The following FCGR2A variants were observed in gnomAD, a reference collection of about 807,000 sequenced individuals.
The protein encoded by FCGR2A is low affinity immunoglobulin gamma Fc region receptor II-a.
In FCGR2A, 18 loss-of-function variants were observed where a neutral mutation model predicts 29.3. That is an observed-to-expected ratio of 0.62 (90% CI 0.43 to 0.91). FCGR2A has a LOEUF of 0.91. Ranked by LOEUF, FCGR2A falls within the 40% of genes least tolerant of loss-of-function variation. The probability of loss-of-function intolerance (pLI) is 0.00; values close to 1 mark genes in which losing one functional copy is unlikely to be tolerated. For missense variants in FCGR2A, 287 were observed against 393.0 expected (o/e 0.73, Z 2.28); for synonymous variants, 126 against 144.8 (o/e 0.87, Z 0.93).
intron 6 of FCGR2A, among the ~76,000 whole-genome samples, chr1:161,517,251 T>C (rs891953078): frequency 3.3e-5 from 5 of 152,094 alleles, no homozygotes; most frequent in African/African-American, 1.2e-4. Flanking sequence ...CTTGATATCT[T>C]AACAGCTTAA....
At chr1:161,508,629 A>G (rs1017412814) in intron 3 of FCGR2A, among the ~76,000 whole-genome samples, 22 of 151,730 alleles carry the variant, frequency 1.4e-4, no homozygotes, top group African/African-American at 5.3e-4. Flanking sequence ...TTTTAAATGA[A>G]TTTTTATTTA....
At chr1:161,521,931 C>G (rs1676468103), downstream of FCGR2A, among the ~76,000 whole-genome samples, 1 of 152,040 alleles carries the variant, frequency 6.6e-6, no homozygotes, top group Admixed American at 6.6e-5. Context: ...GAGTCGTGAG[C>G]TTTGCACCAC....
rs1676359299 is a variant in FCGR2A, at chr1:161,519,502, T to G, written c.*1354T>G. On this transcript the variant is annotated 3_prime_UTR_variant, in exon 7 of 7. Coordinates refer to ENST00000271450, the MANE Select transcript of FCGR2A (RefSeq NM_001136219.3). ...GATTGTTTCAAGGTGATGCAATTATTGATGACCTATTTTATTTTTCTATAA... is the reference window on the plus strand; with the variant it reads ...GATTGTTTCAAGGTGATGCAATTATGGATGACCTATTTTATTTTTCTATAA... 1 of 152,260 alleles carries G rather than the reference T, an allele frequency of 6.6e-6. No homozygotes were observed. The highest frequency in any genetic ancestry group is 1.5e-5 in the Non-Finnish European group (1 of 68,032). 9.4% of individuals were successfully genotyped at this position (152,260 alleles called of 1,614,324 possible). A position where few individuals can be genotyped will look rare whatever the true frequency, so the allele number is the denominator to read the frequency against.
At chr1:161,513,784 G>A (rs1399371047) in intron 5 of FCGR2A, 111 bp from the exon 6 acceptor site, 5 of 1,491,030 alleles carry the variant, frequency 3.4e-6, no homozygotes, top group Non-Finnish European at 4.7e-6. Context: ...GTGTCAAGGG[G>A]TCAGCAGTCC....
intron 6 of FCGR2A, among the ~76,000 whole-genome samples, chr1:161,516,558 T>G (rs1270532031): frequency 6.6e-6 from 1 of 152,042 alleles, no homozygotes; most frequent in African/African-American, 2.4e-5. Flanking sequence ...CTAAAATATA[T>G]TTTAAAATTA....
downstream of FCGR2A, among the ~76,000 whole-genome samples, chr1:161,520,414 A>C (rs1326367518): frequency 6.6e-6 from 1 of 151,950 alleles, no homozygotes; most frequent in Non-Finnish European, 1.5e-5. Flanking sequence ...TTATGAGAAC[A>C]GCATGGGGAA....
Position 161,510,009 on chromosome 1 carries a change from A to G in FCGR2A, c.554A>G (p.Tyr185Cys). ...GCAAACCACAGTCACAGTGGTGATT[A>G]CCACTGCACAGGAAACATAGGCTAC... is the stretch of plus-strand genomic sequence containing the variant. ...PQANHSHSGD[Y>C]HCTGNIGYTL... Residue 185 changes from tyrosine to cysteine, a missense_variant, in exon 4 of 7, where the codon TAC becomes TGC. Around this residue, in one of 3 missense-constraint regions of FCGR2A, gnomAD observed 181 missense variants for 250.9 expected, o/e 0.72. Coordinates refer to ENST00000271450, the MANE Select transcript of FCGR2A (RefSeq NM_001136219.3). The G allele has an allele frequency of 6.2e-7, 1 of 1,613,986 alleles. No individual in the cohort carries two copies. Among genetic ancestry groups the G allele is most frequent in the South Asian group, 1.1e-5 (1 of 91,082 alleles).
rs1162193322 is a variant in FCGR2A at position 161,509,954 on chromosome 1, C to T, written c.499C>T (p.His167Tyr). 1.2e-6 allele frequency: 2 copies of T among 1,613,912 alleles called. No homozygotes were observed. Among genetic ancestry groups the T allele is most frequent in the Non-Finnish European group, 1.7e-6 (2 of 1,179,914 alleles). Residue 167 changes from histidine to tyrosine, a missense_variant, in exon 4 of 7, where the codon CAT becomes TAT. Around this residue, in one of 3 missense-constraint regions of FCGR2A, gnomAD observed 181 missense variants for 250.9 expected, o/e 0.72. Coordinates refer to ENST00000271450, the MANE Select transcript of FCGR2A (RefSeq NM_001136219.3). Reference protein sequence around the residue: ...FQNGKSQKFSHLDPTFSIPQA... With the variant: ...FQNGKSQKFSYLDPTFSIPQA... ...GAATGGAAAATCCCAGAAATTCTCC[C>T]ATTTGGATCCCACCTTCTCCATCCC...
At chr1:161,523,979 A>G (rs1371537851), downstream of FCGR2A, 1 of 154,404 alleles carries the variant, frequency 6.5e-6, no homozygotes, top group Non-Finnish European at 1.4e-5. Context: ...GCCATTCACT[A>G]AGGAACCAGG....
chr1:161,510,486 G>T (rs1294496889), intron 4 of FCGR2A: 4 of 450,226 alleles, frequency 8.9e-6, no homozygotes, highest in Non-Finnish European at 1.6e-5. Flanking sequence ...GTGCTCCATA[G>T]AGTAATGATG....
At chr1:161,515,561 A>C (rs1676098655) in intron 6 of FCGR2A, among the ~76,000 whole-genome samples, 2 of 152,078 alleles carry the variant, frequency 1.3e-5, no homozygotes, top group Non-Finnish European at 2.9e-5. Context: ...GAAGCTTCGT[A>C]CCCTTTCTCT....
At position 161,511,036 on chromosome 1, in the gene FCGR2A, G is replaced by A. The variant is rs189803375; in HGVS notation, c.742+80G>A. The stretch of plus-strand genomic sequence containing the variant: ...TAACCCCAGACATTGCCAGAATCCC[G>A]CTCTTAGGGCTAGATATGCATTCCG... On this transcript the variant is annotated intron_variant, in intron 5 of 6. Coordinates refer to ENST00000271450, the MANE Select transcript of FCGR2A (RefSeq NM_001136219.3). 76 of 1,600,056 alleles carry A rather than the reference G, an allele frequency of 4.7e-5. No homozygotes were observed. The African/African-American group carries it at 6.3e-4, about 13-fold the overall frequency.
intron 6 of FCGR2A, among the ~76,000 whole-genome samples, chr1:161,516,411 T>C (rs989068281): frequency 6.6e-6 from 1 of 152,094 alleles, no homozygotes; most frequent in African/African-American, 2.4e-5. Context: ...ATTGGGCAAG[T>C]CCTTGGCTTG....
chr1:161,512,362 C>G (rs1280886511), intron 5 of FCGR2A, among the ~76,000 whole-genome samples: 1 of 147,454 alleles, frequency 6.8e-6, no homozygotes, highest in African/African-American at 2.5e-5. Context: ...GCTAGGGGCA[C>G]TAGTGGGCTC....
chr1:161,519,801 G>C lies in FCGR2A; in HGVS notation c.*1653G>C, dbSNP rs1676381094. 6.6e-6 allele frequency: 1 copy of C among 152,098 alleles called. No individual in the cohort carries two copies. Among genetic ancestry groups the C allele is most frequent in the African/African-American group, 2.4e-5 (1 of 41,402 alleles). The allele number at this position is 152,098 out of a possible 1,614,324, so 9.4% of individuals were successfully genotyped here. ...ATGTCTTCTTCCCTTTCCTTCTATA[G>C]CAAATAAAGCATTCACTTTGTTTTG... On this transcript the variant is annotated 3_prime_UTR_variant, in exon 7 of 7. Coordinates refer to ENST00000271450, the MANE Select transcript of FCGR2A (RefSeq NM_001136219.3).
At chr1:161,505,576 G>A in intron 1 of FCGR2A, 24 bp downstream of exon 1, 2 of 1,585,532 alleles carry the variant, frequency 1.3e-6, no homozygotes, top group Non-Finnish European at 1.7e-6. Flanking sequence ...ATTCTGAAAT[G>A]GGGCAATTTC....
At chr1:161,511,252 G>A (rs549152222) in intron 5 of FCGR2A, among the ~76,000 whole-genome samples, 28 of 152,264 alleles carry the variant, frequency 1.8e-4, no homozygotes, top group East Asian at 5.8e-4. Context: ...TGAGGGCAGC[G>A]CTTAGCTAGG....
rs140474146 is a variant in FCGR2A at position 161,510,928 on chromosome 1, G to A, written c.714G>A (p.Leu238=). Residue 238 remains leucine (L), a synonymous_variant, in exon 5 of 7, where the codon TTG becomes TTA. Coordinates refer to ENST00000271450, the MANE Select transcript of FCGR2A (RefSeq NM_001136219.3). The part of the protein sequence containing the change: ...VAAIVAAVVA[L]IYCRKKRISA... The stretch of plus-strand genomic sequence containing the variant: ...CCATTGTTGCTGCTGTAGTGGCCTT[G>A]ATCTACTGCAGGAAAAAGCGGATTT... The A allele has an allele frequency of 1.2e-3, 1,937 of 1,614,166 alleles. 25 individuals carry two copies. The African/African-American group carries it at 0.021, about 17-fold the overall frequency.
downstream of FCGR2A, among the ~76,000 whole-genome samples, chr1:161,520,257 G>T (rs978198541): frequency 2.6e-5 from 4 of 152,030 alleles, no homozygotes; most frequent in Non-Finnish European, 4.4e-5. Flanking sequence ...CCTTATCGCT[G>T]GGGAGGCCTC....
Sources: gnomAD v4.1 joint callset for allele counts (sites outside exome capture counted in the v4.1 genomes callset) on GRCh38, gnomAD v4.1.1 for gene constraint, gnomAD v4.1.1 regional missense constraint, MANE v1.5 for transcripts, NCBI Gene and HGNC (gene_info 2026-07-23, HGNC 2026-07-21) for gene names.